RNF25: variants seen among roughly 807,000 people sequenced by gnomAD.
RNF25 encodes the protein E3 ubiquitin-protein ligase RNF25.
Under a neutral mutation model 65.0 loss-of-function variants are expected in RNF25, and 32 were observed. The observed-to-expected ratio is 0.49, with a 90% confidence interval of 0.37 to 0.66. The LOEUF is 0.66. Among genes scored for constraint, RNF25 ranks in the 30% least tolerant of loss-of-function variants. RNF25 has a pLI of 0.00. For synonymous variants in RNF25, 207 were observed against 221.2 expected (o/e 0.94, Z 0.57); for missense variants, 493 against 584.8 (o/e 0.84, Z 1.62).
chr2:218,671,700 G>A (rs1939979083), intron 1 of RNF25, among the ~76,000 whole-genome samples: 1 of 152,176 alleles, frequency 6.6e-6, no homozygotes, highest in African/African-American at 2.4e-5. Flanking sequence ...AACCGGATGC[G>A]GCGAGGCCTG....
In RNF25 at chr2:218,667,969, C is replaced by A; in HGVS notation, c.300G>T (p.Val100=). ...SDEQIHTILQ[V]LGHVAKAGLG... ...GCCCAGCCTTGGCCACGTGGCCCAG[C>A]ACCTGTAAGATCCTGGAGGAAGAGG... The change falls in exon 5 of 10, where the codon GTG becomes GTT. Residue 100 remains valine (V), a synonymous_variant. Transcript: ENST00000295704. 6.2e-7 allele frequency: 1 copy of A among 1,614,206 alleles called. No individual in the cohort carries two copies. Among genetic ancestry groups the A allele is most frequent in the East Asian group, 2.2e-5 (1 of 44,892 alleles).
rs755062447 is a variant in RNF25, at chr2:218,664,283, G to A, written c.1054C>T (p.Arg352Trp). 1.6e-5 allele frequency: 26 copies of A among 1,609,750 alleles called. No homozygotes were observed. The highest frequency in any genetic ancestry group is 6.7e-5 in the East Asian group (3 of 44,822). ...PSRGPWRQPE[R>W]RHPKGGECHA... ...CACTCCCCTCCCTTTGGGTGCCTCCGTTCGGGCTGTCGCCAGGGACCTCGA... is the reference window on the plus strand; with the variant it reads ...CACTCCCCTCCCTTTGGGTGCCTCCATTCGGGCTGTCGCCAGGGACCTCGA... Residue 352 changes from arginine (R) to tryptophan (W), a missense_variant, in exon 10 of 10, where the codon CGG (arginine) becomes TGG (tryptophan). Arg to Trp is a moderately radical substitution (Grantham distance 101). Transcript: ENST00000295704. The surrounding 1 kb of genome is among the most constrained non-coding windows in gnomAD (Gnocchi z 5.1).
chr2:218,671,546 G>C (rs961403342), intron 1 of RNF25, among the ~76,000 whole-genome samples: 3 of 152,220 alleles, frequency 2.0e-5, no homozygotes, highest in African/African-American at 7.2e-5. Context: ...CAAGGGGAAA[G>C]GGGGCCGGAA....
chr2:218,664,895 A>C lies in RNF25; in HGVS notation c.667-22T>G. ...GCTCCTGGAAGGAAGAATGGCAGAGAGGAAATAATGAACAGCAGAAGGCTG... is the reference window on the plus strand; with the variant it reads ...GCTCCTGGAAGGAAGAATGGCAGAGCGGAAATAATGAACAGCAGAAGGCTG... On this transcript the variant is annotated intron_variant, in intron 8 of 9. Transcript: ENST00000295704. This position sits in a 1 kb window ranked among gnomAD's most constrained non-coding sequence, Gnocchi z 5.1. 1.9e-6 allele frequency: 3 copies of C among 1,613,892 alleles called. No homozygotes were observed. Among genetic ancestry groups the C allele is most frequent in the Non-Finnish European group, 2.5e-6 (3 of 1,179,940 alleles).
chr2:218,670,392 T>C (rs1939922836), intron 1 of RNF25, among the ~76,000 whole-genome samples: 1 of 147,234 alleles, frequency 6.8e-6, no homozygotes, highest in African/African-American at 2.5e-5. Flanking sequence ...GGTAAGGTGG[T>C]GACAACAAAA....
chr2:218,666,167 C>T lies in RNF25; in HGVS notation c.421G>A (p.Gly141Ser), dbSNP rs776350740. 10 of 1,614,022 alleles carry T rather than the reference C, an allele frequency of 6.2e-6. No individual in the cohort carries two copies. Among genetic ancestry groups the T allele is most frequent in the Non-Finnish European group, 8.5e-6 (10 of 1,179,936 alleles). ...PHGQCVICLY[G>S]FQEKEAFTKT... is the part of the protein sequence containing the mutation. ...CCAAGAGAGAAACCCACCTGGAAAC[C>T]ATAGAGGCAGATGACACACTGGCCA... Residue 141 changes from glycine to serine, a missense_variant, in exon 6 of 10, where the codon GGT becomes AGT. Gly to Ser is a moderately conservative substitution (Grantham distance 56). Coordinates refer to ENST00000295704, the MANE Select transcript of RNF25 (RefSeq NM_022453.3).
At chr2:218,671,442 T>C (rs543751588) in intron 1 of RNF25, among the ~76,000 whole-genome samples, 179 of 152,298 alleles carry the variant, frequency 1.2e-3, no homozygotes, top group African/African-American at 4.1e-3. Context: ...AGGGACTTTA[T>C]ATGAAGTGTA....
chr2:218,667,900 C>T lies in RNF25; in HGVS notation c.357+12G>A, dbSNP rs1333692625. ...AAGGAAAGAACATATCTCAGACTAGCGCACCTCTTACCTCAATGAGTTCAT... is the reference window on the plus strand; with the variant it reads ...AAGGAAAGAACATATCTCAGACTAGTGCACCTCTTACCTCAATGAGTTCAT... On this transcript the variant is annotated intron_variant, in intron 5 of 9. Transcript: ENST00000295704. The T allele has an allele frequency of 3.1e-6, 5 of 1,611,872 alleles. No homozygotes were observed. The highest frequency in any genetic ancestry group is 1.3e-5 in the African/African-American group (1 of 74,870).
chr2:218,666,776 A>T (rs1302565542), intron 5 of RNF25, among the ~76,000 whole-genome samples: 13 of 152,246 alleles, frequency 8.5e-5, no homozygotes, highest in Admixed American at 8.5e-4. Flanking sequence ...TGCATTGTGG[A>T]GGCCTGACCT....
Position 218,663,945 on chromosome 2 carries a change from C to A in RNF25, c.*12G>T, listed in dbSNP as rs763037883. The A allele has an allele frequency of 7.7e-6, 11 of 1,427,796 alleles. No individual in the cohort carries two copies. The highest frequency in any genetic ancestry group is 2.6e-5 in the Admixed American group (1 of 37,954). 88.4% of individuals were successfully genotyped at this position (1,427,796 alleles called of 1,614,324 possible). On this transcript the variant is annotated 3_prime_UTR_variant, in exon 10 of 10. Coordinates refer to ENST00000295704, the MANE Select transcript of RNF25 (RefSeq NM_022453.3). Reference sequence around the variant, plus strand: ...CCCATCCCCAATTCCCTGTTCCCCCCACCAAGTCCTGCTAGGAACCATCCT... The same window carrying A: ...CCCATCCCCAATTCCCTGTTCCCCCAACCAAGTCCTGCTAGGAACCATCCT...
chr2:218,664,010 G>T lies in RNF25; in HGVS notation c.1327C>A (p.Arg443=). The change falls in exon 10 of 10, where the codon CGG becomes AGG. Residue 443 remains arginine (R), a synonymous_variant. Coordinates refer to ENST00000295704, the MANE Select transcript of RNF25 (RefSeq NM_022453.3). The surrounding 1 kb of genome is among the most constrained non-coding windows in gnomAD (Gnocchi z 5.1). ...AGGGACTCCCTCCGAGTACCAGGCC[G>T]GTATGCTCCCTGGCCCCGAGGCAGG... ...PRLPRGQGAY[R]PGTRRESLGL... 6.7e-7 allele frequency: 1 copy of T among 1,484,406 alleles called. No homozygotes were observed. The highest frequency in any genetic ancestry group is 9.0e-7 in the Non-Finnish European group (1 of 1,117,122). The allele number at this position is 1,484,406 out of a possible 1,614,324, so 92.0% of individuals were successfully genotyped here.
Position 218,665,935 on chromosome 2 carries a change from T to G in RNF25, c.554A>C (p.Gln185Pro). The G allele has an allele frequency of 1.9e-6, 3 of 1,614,052 alleles. No homozygotes were observed. The highest frequency in any genetic ancestry group is 2.5e-6 in the Non-Finnish European group (3 of 1,179,936). The change falls in exon 7 of 10, where the codon CAG becomes CCG. Residue 185 changes from glutamine (Q) to proline (P), a missense_variant. Gln to Pro is a moderately conservative substitution (Grantham distance 76, BLOSUM62 -1). Coordinates refer to ENST00000295704, the MANE Select transcript of RNF25 (RefSeq NM_022453.3). ...AQGQEQEQER[Q>P]HATTKQKAVG... Reference sequence around the variant, plus strand: ...GTCTACCTGTTTGGTTGTAGCATGCTGCCGTTCCTGTTCCTGCTCCTGTCC... The same window carrying G: ...GTCTACCTGTTTGGTTGTAGCATGCGGCCGTTCCTGTTCCTGCTCCTGTCC...
rs780269937 is a variant in RNF25, at chr2:218,668,619, A to G, written c.102T>C (p.Ile34=). ...ESIYLDELQV[I]KGNGRTSPWE... ...TGAATACATACCTGCCATTTCCTTT[A>G]ATCACCTGTAGTTCATCTAGATAGA... Residue 34 remains isoleucine, a synonymous_variant, in exon 2 of 10, where the codon ATT becomes ATC. Transcript: ENST00000295704. 1.2e-6 allele frequency: 2 copies of G among 1,610,572 alleles called. No individual in the cohort carries two copies. The highest frequency in any genetic ancestry group is 1.7e-6 in the Non-Finnish European group (2 of 1,177,024).
chr2:218,664,307 G>T lies in RNF25; in HGVS notation c.1030C>A (p.Arg344=). The change falls in exon 10 of 10, where the codon CGA becomes AGA. Residue 344 remains arginine (R), a synonymous_variant. Transcript: ENST00000295704. The surrounding 1 kb of genome is among the most constrained non-coding windows in gnomAD (Gnocchi z 5.1). ...CGTTCGGGCTGTCGCCAGGGACCTCGACTGGGCTTGGGGGGATCTAGCATA... is the reference window on the plus strand; with the variant it reads ...CGTTCGGGCTGTCGCCAGGGACCTCTACTGGGCTTGGGGGGATCTAGCATA... ...KAMLDPPKPS[R]GPWRQPERRH... 2 of 1,612,548 alleles carry T rather than the reference G, an allele frequency of 1.2e-6. No homozygotes were observed. Among genetic ancestry groups the T allele is most frequent in the South Asian group, 1.1e-5 (1 of 91,042 alleles).
intron 7 of RNF25, 152 bp downstream of exon 7, chr2:218,665,764 C>T: frequency 9.7e-7 from 1 of 1,031,696 alleles, no homozygotes. Context: ...AAAAGGATGC[C>T]CTTTATTCTG....
chr2:218,665,338 G>C, intron 7 of RNF25, 91 bp from the exon 8 acceptor site: 1 of 1,109,670 alleles, frequency 9.0e-7, no homozygotes, highest in South Asian at 1.5e-5. Context: ...AGAGGGCTGG[G>C]ACTAAAGGGC....
At position 218,664,730 on chromosome 2, in the gene RNF25, T is replaced by C. The variant is rs746169226; in HGVS notation, c.801+9A>G. The stretch of plus-strand genomic sequence containing the variant: ...GCATTACAGGACAACTGGGAAGCCC[T>C]TCCCTCACCTGCTGAAGGCTGATGA... On this transcript the variant is annotated intron_variant, in intron 9 of 9. Coordinates refer to ENST00000295704, the MANE Select transcript of RNF25 (RefSeq NM_022453.3). The surrounding 1 kb of genome is among the most constrained non-coding windows in gnomAD (Gnocchi z 5.1). The C allele has an allele frequency of 3.1e-6, 5 of 1,614,168 alleles. No individual in the cohort carries two copies. The highest frequency in any genetic ancestry group is 4.2e-6 in the Non-Finnish European group (5 of 1,180,014).
Position 218,665,278 on chromosome 2 carries a change from C to T in RNF25, c.574-31G>A, listed in dbSNP as rs374990256. 1.9e-6 allele frequency: 3 copies of T among 1,601,626 alleles called. No individual in the cohort carries two copies. The South Asian group carries it at 3.3e-5, about 18-fold the overall frequency. ...AAAGAGAAAAATCATATGCCTGTGT[C>T]ACAGCCCAGGATGCCCCCTGGTGCT... On this transcript the variant is annotated intron_variant, in intron 7 of 9. Coordinates refer to ENST00000295704, the MANE Select transcript of RNF25 (RefSeq NM_022453.3).
In RNF25 at chr2:218,664,887, T is replaced by C. The variant is rs377189349; in HGVS notation, c.667-14A>G. ...CTGGTACAGCTCCTGGAAGGAAGAA[T>C]GGCAGAGAGGAAATAATGAACAGCA... On this transcript the variant is annotated splice_polypyrimidine_tract_variant and intron_variant, in intron 8 of 9. Transcript: ENST00000295704. This position sits in a 1 kb window ranked among gnomAD's most constrained non-coding sequence, Gnocchi z 5.1. 4 of 1,613,812 alleles carry C rather than the reference T, an allele frequency of 2.5e-6. No individual in the cohort carries two copies. In the African/African-American group the frequency reaches 5.3e-5, roughly 22 times the overall value.
Sources: gnomAD v4.1 joint callset for allele counts (sites outside exome capture counted in the v4.1 genomes callset) on GRCh38, gnomAD v4.1.1 for gene constraint, Gnocchi (gnomAD v3.1) non-coding constraint, MANE v1.5 for transcripts, NCBI Gene and HGNC (gene_info 2026-07-23, HGNC 2026-07-21) for gene names.